CA10: variants seen among roughly 807,000 people sequenced by gnomAD.
The protein encoded by CA10 is carbonic anhydrase 10 (inactive), also known as carbonic anhydrase-related protein 10.
CA10 carries 14 observed loss-of-function variants against 44.2 expected under a neutral mutation model. That is an observed-to-expected ratio of 0.32 (90% CI 0.21 to 0.50). The LOEUF is 0.50. CA10 is among the 20% of genes least tolerant of loss of function. The pLI, the probability that CA10 is intolerant of heterozygous loss-of-function variation, is 0.99. For missense variants in CA10, 350 were observed against 409.7 expected (o/e 0.85, Z 1.26); for synonymous variants, 159 against 141.6 (o/e 1.12, Z -0.87).
chr17:51,753,889 G>A (rs936382134), intron 3 of CA10, among the ~76,000 whole-genome samples: 1 of 152,134 alleles, frequency 6.6e-6, no homozygotes, highest in Admixed American at 6.5e-5. Flanking sequence ...TGTCGCCCAG[G>A]CTGGAGTGCA....
intron 2 of CA10, among the ~76,000 whole-genome samples, chr17:51,949,748 G>GTGA (rs1830877317): frequency 6.6e-6 from 1 of 152,124 alleles, no homozygotes; most frequent in Non-Finnish European, 1.5e-5. Context: ...AGCCTTAAGG[G>GTGA]TGATGTTCCA....
intron 4 of CA10, among the ~76,000 whole-genome samples, chr17:51,692,935 G>A (rs1915269053): frequency 6.6e-6 from 1 of 152,178 alleles, no homozygotes; most frequent in East Asian, 1.9e-4. Flanking sequence ...GGTTTTGAAT[G>A]GTCTTGGCTG....
intron 1 of CA10, among the ~76,000 whole-genome samples, chr17:52,090,384 T>C (rs956965176): frequency 6.6e-6 from 1 of 152,256 alleles, no homozygotes; most frequent in Non-Finnish European, 1.5e-5. Flanking sequence ...TTATAATAAC[T>C]AATATGATGA....
intron 2 of CA10, among the ~76,000 whole-genome samples, chr17:51,958,277 A>G (rs987640118): frequency 6.8e-6 from 1 of 147,870 alleles, no homozygotes; most frequent in Non-Finnish European, 1.5e-5. Flanking sequence ...TTTTTTTGAT[A>G]ATTGGCATTA....
chr17:51,700,846 T>C (rs1915574784), intron 4 of CA10, among the ~76,000 whole-genome samples: 3 of 151,998 alleles, frequency 2.0e-5, no homozygotes, highest in Admixed American at 2.0e-4. Context: ...ATGTTCTCAC[T>C]CATAAGTGGG....
At chr17:51,685,357 G>A (rs1033102385) in intron 4 of CA10, among the ~76,000 whole-genome samples, 2 of 152,144 alleles carry the variant, frequency 1.3e-5, no homozygotes, top group African/African-American at 4.8e-5. Flanking sequence ...GGAGATGGGA[G>A]GGCTAGAGTG....
At chr17:51,896,971 A>C (rs1017185940) in intron 3 of CA10, among the ~76,000 whole-genome samples, 2 of 151,498 alleles carry the variant, frequency 1.3e-5, no homozygotes, top group African/African-American at 2.4e-5. Context: ...TGGGAATTAG[A>C]CCTTTGTCAG....
At chr17:51,782,005 G>T (rs1173447203) in intron 3 of CA10, among the ~76,000 whole-genome samples, 1 of 152,142 alleles carries the variant, frequency 6.6e-6, no homozygotes, top group Non-Finnish European at 1.5e-5. Context: ...TGACTCTCAA[G>T]CCTGAGTTTG....
chr17:51,938,486 C>G (rs896129126), intron 2 of CA10, among the ~76,000 whole-genome samples: 3 of 152,046 alleles, frequency 2.0e-5, no homozygotes, highest in Non-Finnish European at 4.4e-5. Flanking sequence ...TTTCAATGAG[C>G]CATGTGCATT....
At chr17:52,071,905 T>G (rs1411701328) in intron 2 of CA10, among the ~76,000 whole-genome samples, 1 of 152,218 alleles carries the variant, frequency 6.6e-6, no homozygotes, top group Non-Finnish European at 1.5e-5. Context: ...TATTTTTAGC[T>G]GATACTTGGC....
chr17:51,756,381 C>T (rs892636418), intron 3 of CA10, among the ~76,000 whole-genome samples: 1 of 152,014 alleles, frequency 6.6e-6, no homozygotes, highest in Non-Finnish European at 1.5e-5. Flanking sequence ...CTAGCCCAGG[C>T]CTATTTGACT....
intron 3 of CA10, among the ~76,000 whole-genome samples, chr17:51,780,622 T>G (rs1906021198): frequency 6.6e-6 from 1 of 152,152 alleles, no homozygotes; most frequent in Non-Finnish European, 1.5e-5. Context: ...ACAACTGCAA[T>G]AAAATATGAC....
At chr17:51,934,650 A>G (rs929929575) in intron 2 of CA10, among the ~76,000 whole-genome samples, 5 of 152,112 alleles carry the variant, frequency 3.3e-5, no homozygotes, top group African/African-American at 1.2e-4. Flanking sequence ...ACTTCAGTTC[A>G]GGCGATGTGT....
rs1297949672 is a variant in CA10, at chr17:52,108,190, TTTTTTATATATATA to T, written c.62-35811_62-35798del. On this transcript the variant is annotated intron_variant, in intron 1 of 8. Coordinates refer to ENST00000451037, the MANE Select transcript of CA10 (RefSeq NM_020178.5). ...TTTTTAATATATTTTTATATATATA[TTTTTTATATATATA>T]TATATATATATATATATATATAATA... Among the ~76,000 whole-genome samples the T allele has an allele frequency of 7.4e-3, 587 of 79,012 alleles. 2 individuals are homozygous for T. The highest frequency in any genetic ancestry group is 0.015 in the East Asian group (37 of 2,482). 51.8% of individuals were successfully genotyped at this position (79,012 alleles called of 152,430 possible).
chr17:51,831,667 AAGC>A (rs66635963), intron 3 of CA10, among the ~76,000 whole-genome samples: 2,737 of 127,404 alleles, frequency 0.021, 79 homozygotes, highest in East Asian at 0.048. Flanking sequence ...AGAAAAGAAA[AAGC>A]AGCAGCAGCA....
intron 1 of CA10, among the ~76,000 whole-genome samples, chr17:52,106,999 C>T (rs7219177): frequency 0.63 from 95,945 of 152,042 alleles, 32,210 homozygotes; most frequent in African/African-American, 0.86. Flanking sequence ...AAATTGTCTA[C>T]TCTGTTTTTG....
chr17:51,858,142 G>GT (rs1324592366), intron 3 of CA10, among the ~76,000 whole-genome samples: 1 of 152,076 alleles, frequency 6.6e-6, no homozygotes, highest in Non-Finnish European at 1.5e-5. Context: ...TGTAAATCAT[G>GT]TAAGTTTCAG....
intron 1 of CA10, among the ~76,000 whole-genome samples, chr17:52,092,029 G>A (rs1988279746): frequency 6.6e-6 from 1 of 152,158 alleles, no homozygotes; most frequent in African/African-American, 2.4e-5. Context: ...CTTTCTGTGG[G>A]AGGGATGAGT....
At chr17:51,912,415 A>G (rs1357403225) in intron 3 of CA10, among the ~76,000 whole-genome samples, 3 of 152,186 alleles carry the variant, frequency 2.0e-5, no homozygotes, top group Non-Finnish European at 4.4e-5. Flanking sequence ...CCTTGTTTTC[A>G]TGCATCCTGC....
Sources: gnomAD v4.1 joint callset for allele counts (sites outside exome capture counted in the v4.1 genomes callset) on GRCh38, gnomAD v4.1.1 for gene constraint, MANE v1.5 for transcripts, NCBI Gene and HGNC (gene_info 2026-07-23, HGNC 2026-07-21) for gene names.